DNAH9: variants seen among roughly 807,000 people sequenced by gnomAD.
DNAH9 encodes DNAH9 variant protein.
Under a neutral mutation model 471.6 loss-of-function variants are expected in DNAH9, and 345 were observed. The ratio of observed to expected loss-of-function variants is 0.73; its 90% CI spans 0.67 to 0.80. The LOEUF is 0.80. DNAH9 is among the 30% of genes least tolerant of loss of function. The pLI, the probability that DNAH9 is intolerant of heterozygous loss-of-function variation, is 0.00. For synonymous variants in DNAH9, 2,093 were observed against 2,123.6 expected, an observed-to-expected ratio of 0.99 and a Z score of 0.40; for missense variants, 5,407 against 5,609.2, an observed-to-expected ratio of 0.96 and a Z score of 1.15.
At chr17:11,835,379 G>A (rs2150954119) in intron 49 of DNAH9, among the ~76,000 whole-genome samples, 1 of 152,272 alleles carries the variant, frequency 6.6e-6, no homozygotes, top group South Asian at 2.1e-4. Context: ...AAAATAATAT[G>A]TTAGCCTCAA....
At chr17:11,869,370 TA>T in intron 51 of DNAH9, 117 bp downstream of exon 51, 4 of 1,383,902 alleles carry the variant, frequency 2.9e-6, no homozygotes, top group Non-Finnish European at 3.9e-6. Context: ...AGGGAAGTAT[TA>T]AAATGTGCTG....
chr17:11,618,584 C>CAAA (rs55954196), intron 5 of DNAH9, among the ~76,000 whole-genome samples: 1 of 139,924 alleles, frequency 7.1e-6, no homozygotes, highest in Non-Finnish European at 1.5e-5. Flanking sequence ...GACTCCATCT[C>CAAA]AAAAAAAAAA....
chr17:11,933,876 T>G lies in DNAH9; in HGVS notation c.12298-4T>G. 2.5e-6 allele frequency: 4 copies of G among 1,608,132 alleles called. No individual in the cohort carries two copies. The highest frequency in any genetic ancestry group is 3.4e-6 in the Non-Finnish European group (4 of 1,176,328). The stretch of plus-strand genomic sequence containing the variant: ...TTCCTCTCTTTCTTTCCCCCATCAC[T>G]CAGGTCCCCTATGATGATTTGCGCT... On this transcript the variant is annotated splice_region_variant and splice_polypyrimidine_tract_variant and intron_variant, in intron 64 of 68. Transcript: ENST00000262442.
chr17:11,793,513 TCTC>T lies in DNAH9; in HGVS notation c.8076_8078del (p.Ser2693del). On this transcript the variant is annotated inframe_deletion, in exon 42 of 69. Coordinates refer to ENST00000262442, the MANE Select transcript of DNAH9 (RefSeq NM_001372.4). Reference sequence around the variant, plus strand: ...CTGTTCCCCTTGAAGGGCATTCTCTTCTCCTCAGTGGAATGTGTGAAATCCACA... The same window carrying T: ...CTGTTCCCCTTGAAGGGCATTCTCTTCTCAGTGGAATGTGTGAAATCCACA... 5.6e-6 allele frequency: 9 copies of T among 1,611,140 alleles called. No individual in the cohort carries two copies. The highest frequency in any genetic ancestry group is 7.6e-6 in the Non-Finnish European group (9 of 1,179,364).
At chr17:11,881,064 G>A in intron 54 of DNAH9, 145 bp from the exon 55 acceptor site, 2 of 763,598 alleles carry the variant, frequency 2.6e-6, no homozygotes, top group Non-Finnish European at 2.2e-6. Flanking sequence ...CAACATTAGT[G>A]CAAAAAAGAA....
intron 49 of DNAH9, among the ~76,000 whole-genome samples, chr17:11,838,407 A>G (rs1190001424): frequency 6.6e-6 from 1 of 152,196 alleles, no homozygotes; most frequent in Non-Finnish European, 1.5e-5. Flanking sequence ...AAATTAAAAA[A>G]TTTCAGTGAC....
chr17:11,852,431 G>A (rs1315992428), intron 49 of DNAH9, among the ~76,000 whole-genome samples: 1 of 152,020 alleles, frequency 6.6e-6, no homozygotes, highest in Non-Finnish European at 1.5e-5. Context: ...ATGACCAGGG[G>A]GTCCTTCACA....
chr17:11,730,767 G>GATC (rs2075245901), intron 28 of DNAH9, among the ~76,000 whole-genome samples: 1 of 151,822 alleles, frequency 6.6e-6, no homozygotes, highest in African/African-American at 2.4e-5. Context: ...TAGTGATGAT[G>GATC]ATGATGATGA....
At chr17:11,777,651 A>G (rs1469604497) in intron 38 of DNAH9, among the ~76,000 whole-genome samples, 3 of 152,250 alleles carry the variant, frequency 2.0e-5, no homozygotes, top group East Asian at 3.9e-4. Flanking sequence ...CACTAATTAT[A>G]TAGGAACTCA....
At chr17:11,624,524 G>C (rs2072935998) in intron 6 of DNAH9, among the ~76,000 whole-genome samples, 1 of 151,668 alleles carries the variant, frequency 6.6e-6, no homozygotes, top group Non-Finnish European at 1.5e-5. Context: ...AAAAAGAAAA[G>C]AAAAGAACTG....
In DNAH9 at chr17:11,757,706, C is replaced by A; in HGVS notation, c.6995+14C>A. ...ACTCAGAACCAGGTAGGCCAAGAAA[C>A]AAGGAAGATAGAGAGTTAAAGCAGC... On this transcript the variant is annotated intron_variant, in intron 35 of 68. Coordinates refer to ENST00000262442, the MANE Select transcript of DNAH9 (RefSeq NM_001372.4). 1 of 1,613,038 alleles carries A rather than the reference C, an allele frequency of 6.2e-7. No individual in the cohort carries two copies. Among genetic ancestry groups the A allele is most frequent in the Non-Finnish European group, 8.5e-7 (1 of 1,179,762 alleles).
rs187787529 is a variant in DNAH9, at chr17:11,888,195, A to C, written c.11112+1230A>C. Among the ~76,000 whole-genome samples the C allele has an allele frequency of 2.5e-3, 382 of 152,108 alleles. 1 individual carries two copies. Among genetic ancestry groups the C allele is most frequent in the African/African-American group, 8.2e-3 (342 of 41,492 alleles). On this transcript the variant is annotated intron_variant, in intron 57 of 68. Transcript: ENST00000262442. ...GAGACGGGGTTTCACTGTGTTAGCCAGGATGGTCTCGATCTCCGGACTTCG... is the reference window on the plus strand; with the variant it reads ...GAGACGGGGTTTCACTGTGTTAGCCCGGATGGTCTCGATCTCCGGACTTCG...
rs1974756810 is a variant in DNAH9, at chr17:11,937,530, T to G, written c.12660+8T>G. ...GCCACAAGAGAAGAAAAGGTGTGTG[T>G]GGTGGGGACTGCCTGAGGTCGTTCT... On this transcript the variant is annotated splice_region_variant and intron_variant, in intron 66 of 68. Transcript: ENST00000262442. This position sits in a 1 kb window ranked among gnomAD's most constrained non-coding sequence, Gnocchi z 4.1. 1 of 1,605,144 alleles carries G rather than the reference T, an allele frequency of 6.2e-7. No homozygotes were observed. Among genetic ancestry groups the G allele is most frequent in the Non-Finnish European group, 8.5e-7 (1 of 1,174,866 alleles).
intron 32 of DNAH9, among the ~76,000 whole-genome samples, 160 bp from the exon 33 acceptor site, chr17:11,752,673 A>T (rs1431235207): frequency 6.6e-6 from 1 of 152,214 alleles, no homozygotes; most frequent in African/African-American, 2.4e-5. Flanking sequence ...CTAAAAAAAA[A>T]TAAAGTAAAA....
chr17:11,779,895 G>A (rs930850916), intron 38 of DNAH9, among the ~76,000 whole-genome samples: 4 of 152,046 alleles, frequency 2.6e-5, no homozygotes, highest in African/African-American at 7.2e-5. Context: ...TAGAATATTC[G>A]AGCTTCTTGA....
intron 39 of DNAH9, 46 bp downstream of exon 39, chr17:11,781,220 A>G: frequency 1.3e-6 from 2 of 1,574,960 alleles, no homozygotes; most frequent in South Asian, 2.3e-5. Flanking sequence ...AGCAGAGCCT[A>G]AGGCAGGGCT....
chr17:11,844,620 T>A (rs1249064274), intron 49 of DNAH9, among the ~76,000 whole-genome samples: 1 of 152,174 alleles, frequency 6.6e-6, no homozygotes, highest in African/African-American at 2.4e-5. Context: ...CTGGCCAGGC[T>A]GGTCTCAAAC....
chr17:11,723,015 C>G (rs8073778), intron 27 of DNAH9: 4 of 152,030 alleles, frequency 2.6e-5, no homozygotes, highest in Non-Finnish European at 5.9e-5. Context: ...GCACAGTCCT[C>G]CTCCTGAGTC....
At chr17:11,628,803 C>T (rs908532479) in intron 6 of DNAH9, among the ~76,000 whole-genome samples, 1 of 152,134 alleles carries the variant, frequency 6.6e-6, no homozygotes, top group African/African-American at 2.4e-5. Flanking sequence ...ATTATTGTTA[C>T]ATTTTATTAT....
Sources: gnomAD v4.1 joint callset for allele counts (sites outside exome capture counted in the v4.1 genomes callset) on GRCh38, gnomAD v4.1.1 for gene constraint, Gnocchi (gnomAD v3.1) non-coding constraint, MANE v1.5 for transcripts, NCBI Gene and HGNC (gene_info 2026-07-23, HGNC 2026-07-21) for gene names.